The following CSMD3 variants were observed in gnomAD, a reference collection of about 807,000 sequenced individuals.
CSMD3 encodes CUB and sushi domain-containing protein 3.
In CSMD3, 177 loss-of-function variants were observed where a neutral mutation model predicts 435.2. The observed-to-expected ratio is 0.41, with a 90% CI of 0.36 to 0.46. CSMD3 has a LOEUF of 0.46. Among genes scored for constraint, CSMD3 ranks in the 20% least tolerant of loss-of-function variants. The pLI is 0.34. For synonymous variants in CSMD3, 1,656 were observed against 1,520.5 expected (o/e 1.09, Z -2.07); for missense variants, 4,265 against 4,504.6 (o/e 0.95, Z 1.52).
chr8:113,325,266 T>C (rs756187691), intron 1 of CSMD3, among the ~76,000 whole-genome samples: 1 of 152,166 alleles, frequency 6.6e-6, no homozygotes, highest in Non-Finnish European at 1.5e-5. Flanking sequence ...ATGATTTGGC[T>C]GTGTCCCCAC....
chr8:112,540,760 T>C (rs1308318618), intron 27 of CSMD3, among the ~76,000 whole-genome samples: 1 of 151,944 alleles, frequency 6.6e-6, no homozygotes, highest in Non-Finnish European at 1.5e-5. Flanking sequence ...AGTCAAATGG[T>C]AGTTACTAGA....
intron 10 of CSMD3, among the ~76,000 whole-genome samples, chr8:112,917,084 T>C (rs953349506): frequency 4.6e-5 from 7 of 151,952 alleles, no homozygotes; most frequent in African/African-American, 1.7e-4. Flanking sequence ...CTCATTTAGA[T>C]TGTTTTATTC....
At chr8:112,958,733 T>G (rs1350328158) in intron 7 of CSMD3, among the ~76,000 whole-genome samples, 1 of 152,220 alleles carries the variant, frequency 6.6e-6, no homozygotes, top group Non-Finnish European at 1.5e-5. Context: ...CATAGATTGA[T>G]TTTGTTTCCA....
chr8:112,591,853 T>G (rs1180710709), intron 22 of CSMD3, among the ~76,000 whole-genome samples: 2 of 151,990 alleles, frequency 1.3e-5, no homozygotes, highest in Non-Finnish European at 2.9e-5. Flanking sequence ...ATCAGCTATT[T>G]TAGCCCATTA....
chr8:112,622,224 A>T (rs1425124252), intron 22 of CSMD3, among the ~76,000 whole-genome samples: 5 of 152,120 alleles, frequency 3.3e-5, no homozygotes, highest in Admixed American at 3.3e-4. Context: ...CTTTAGCACC[A>T]ATATTCTTCA....
chr8:112,645,239 A>G lies in CSMD3; in HGVS notation c.3194-14T>C, dbSNP rs2074947129. 1.1e-5 allele frequency: 15 copies of G among 1,313,694 alleles called. No homozygotes were observed. The highest frequency in any genetic ancestry group is 1.1e-5 in the Non-Finnish European group (10 of 906,028). 81.4% of individuals were successfully genotyped at this position (1,313,694 alleles called of 1,614,324 possible). A position where few individuals can be genotyped will look rare whatever the true frequency, so the allele number is the denominator to read the frequency against. On this transcript the variant is annotated splice_polypyrimidine_tract_variant and intron_variant, in intron 19 of 70. Coordinates refer to ENST00000297405, the MANE Select transcript of CSMD3 (RefSeq NM_198123.2). ...CTCCACATAATGCTGAAATACAAAGAAACAGATCCATGTGATCAGCAGTGA... is the reference window on the plus strand; with the variant it reads ...CTCCACATAATGCTGAAATACAAAGGAACAGATCCATGTGATCAGCAGTGA...
intron 3 of CSMD3, among the ~76,000 whole-genome samples, chr8:113,182,046 T>C (rs1236464924): frequency 6.6e-6 from 1 of 151,998 alleles, no homozygotes; most frequent in Non-Finnish European, 1.5e-5. Flanking sequence ...CATCACCAAA[T>C]AATTATTGAA....
Position 112,954,758 on chromosome 8 carries a change from T to C in CSMD3, c.1346A>G (p.Lys449Arg). 2.0e-6 allele frequency: 3 copies of C among 1,537,532 alleles called. No homozygotes were observed. The highest frequency in any genetic ancestry group is 2.7e-6 in the Non-Finnish European group (3 of 1,112,602). ...TCTAGATTTAAAATCTATGGCCTTT[T>C]TCACTAGTTAAGAAAACAAACAAAA... is the stretch of plus-strand genomic sequence containing the variant. ...KELAVVTHRV[K>R]KAIDFKSRGF... Residue 449 changes from lysine to arginine, a missense_variant, in exon 8 of 71, where the codon AAA (lysine) becomes AGA (arginine). Physicochemically the swap from Lys to Arg is conservative, Grantham distance 26. Transcript: ENST00000297405.
intron 4 of CSMD3, among the ~76,000 whole-genome samples, chr8:113,124,286 T>A (rs990067052): frequency 6.6e-6 from 1 of 151,968 alleles, no homozygotes; most frequent in Non-Finnish European, 1.5e-5. Context: ...ATTTTAAGAA[T>A]TATCTCAGAG....
At chr8:112,897,499 C>T (rs2081980748) in intron 10 of CSMD3, among the ~76,000 whole-genome samples, 1 of 151,272 alleles carries the variant, frequency 6.6e-6, no homozygotes. Context: ...CTATTGATTA[C>T]ATTCCCTTAC....
chr8:113,090,435 G>C (rs990220), intron 5 of CSMD3, among the ~76,000 whole-genome samples: 102,243 of 152,086 alleles, frequency 0.67, 35,979 homozygotes, highest in East Asian at 0.95. Context: ...TATAAGATAA[G>C]TTCTCAATTA....
chr8:112,801,244 T>C (rs1423596195), intron 12 of CSMD3, among the ~76,000 whole-genome samples: 2 of 151,588 alleles, frequency 1.3e-5, no homozygotes, highest in African/African-American at 4.9e-5. Flanking sequence ...TACGAGAGTG[T>C]TTAGTCTCTT....
rs145150763 is a variant in CSMD3, at chr8:112,562,054, C to T, written c.4043-5100G>A. Among the ~76,000 whole-genome samples, 464 of 151,730 alleles carry T rather than the reference C, an allele frequency of 3.1e-3. 1 individual carries two copies. Among genetic ancestry groups the T allele is most frequent in the African/African-American group, 0.011 (438 of 41,484 alleles). Reference sequence around the variant, plus strand: ...CTATGTCTCCTTTTGCACATGTACACGTGTTTTTATAGGGCATGCACTATT... The same window carrying T: ...CTATGTCTCCTTTTGCACATGTACATGTGTTTTTATAGGGCATGCACTATT... On this transcript the variant is annotated intron_variant, in intron 24 of 70. Transcript: ENST00000297405.
At chr8:112,257,940 C>A (rs1815963706) in intron 61 of CSMD3, among the ~76,000 whole-genome samples, 1 of 152,076 alleles carries the variant, frequency 6.6e-6, no homozygotes, top group Admixed American at 6.5e-5. Context: ...GATATATAGA[C>A]CAATGGAACA....
chr8:112,822,329 G>T (rs11987221), intron 12 of CSMD3, among the ~76,000 whole-genome samples: 2,004 of 151,796 alleles, frequency 0.013, 44 homozygotes, highest in African/African-American at 0.046. Context: ...TTATTTCCTT[G>T]TGCAGTGGTT....
chr8:113,140,435 CAGCCTACAAG>C (rs1243093099), intron 4 of CSMD3, among the ~76,000 whole-genome samples: 1 of 150,664 alleles, frequency 6.6e-6, no homozygotes, highest in African/African-American at 2.4e-5. Context: ...TAGAAGACTC[CAGCCTACAAG>C]AGCAGACTAC....
rs184020814 is a variant in CSMD3, at chr8:112,839,113, C to T, written c.1756-9324G>A. 3.8e-4 allele frequency among the ~76,000 whole-genome samples: 57 copies of T among 151,894 alleles called. No homozygotes were observed. In the East Asian group the frequency reaches 9.9e-3, roughly 26 times the overall value. On this transcript the variant is annotated intron_variant, in intron 11 of 70. Transcript: ENST00000297405. Reference sequence around the variant, plus strand: ...GTGCAAAATGCCACCTCAGGGAATTCTCTAGGCTAATCCACTTTGCTGCCA... The same window carrying T: ...GTGCAAAATGCCACCTCAGGGAATTTTCTAGGCTAATCCACTTTGCTGCCA...
intron 17 of CSMD3, among the ~76,000 whole-genome samples, chr8:112,663,711 G>A (rs61329180): frequency 1.3e-5 from 2 of 152,132 alleles, no homozygotes; most frequent in East Asian, 3.9e-4. Flanking sequence ...TGTGATGAGG[G>A]TTATCAAGAA....
At position 112,947,796 on chromosome 8, in the gene CSMD3, T is replaced by C. The variant is rs61754526; in HGVS notation, c.1502A>G (p.Asp501Gly). ...CAATATTTTAAAATATTACCTAAAA[T>C]CTGATCCGATTCTCTTCCCATTTTC... ...EPENGKRIGSDFSLGSTVQFS... is the reference protein window; with the variant it reads ...EPENGKRIGSGFSLGSTVQFS... Residue 501 changes from aspartate (D) to glycine (G), a missense_variant, in exon 9 of 71, where the codon GAT becomes GGT. Coordinates refer to ENST00000297405, the MANE Select transcript of CSMD3 (RefSeq NM_198123.2). 4.4e-5 allele frequency: 59 copies of C among 1,348,802 alleles called. No individual in the cohort carries two copies. Among genetic ancestry groups the C allele is most frequent in the Non-Finnish European group, 5.7e-5 (54 of 940,692 alleles). The allele number at this position is 1,348,802 out of a possible 1,614,324, so 83.6% of individuals were successfully genotyped here. A position where few individuals can be genotyped will look rare whatever the true frequency, so the allele number is the denominator to read the frequency against.
Sources: gnomAD v4.1 joint callset for allele counts (sites outside exome capture counted in the v4.1 genomes callset) on GRCh38, gnomAD v4.1.1 for gene constraint, MANE v1.5 for transcripts, NCBI Gene and HGNC (gene_info 2026-07-23, HGNC 2026-07-21) for gene names.